Variants in RPE65 observed in about 807,000 individuals in gnomAD.
The protein encoded by RPE65 is retinoid isomerohydrolase RPE65.
RPE65 carries 58 observed loss-of-function variants against 68.5 expected under a neutral mutation model. The ratio of observed to expected loss-of-function variants is 0.85; its 90% CI spans 0.69 to 1.05. The LOEUF is 1.05. Ranked by LOEUF, RPE65 falls within the 50% of genes least tolerant of loss-of-function variation. RPE65 has a pLI of 0.00. For synonymous variants in RPE65, 220 were observed against 222.2 expected, an observed-to-expected ratio of 0.99 and a Z score of 0.09; for missense variants, 643 against 629.9, an observed-to-expected ratio of 1.02 and a Z score of -0.22.
At chr1:68,443,474 T>C (rs1645917737) in intron 5 of RPE65, among the ~76,000 whole-genome samples, 1 of 152,176 alleles carries the variant, frequency 6.6e-6, no homozygotes, top group African/African-American at 2.4e-5. Context: ...ATTCTCCAGT[T>C]TTCATGAACA....
At chr1:68,443,754 A>G (rs903996478) in intron 5 of RPE65, among the ~76,000 whole-genome samples, 1 of 152,212 alleles carries the variant, frequency 6.6e-6, no homozygotes, top group African/African-American at 2.4e-5. Flanking sequence ...CCTAGACATT[A>G]AGTCACCTGA....
chr1:68,438,144 A>C (rs1645873768), intron 10 of RPE65, 43 bp downstream of exon 10: 2 of 1,611,662 alleles, frequency 1.2e-6, no homozygotes, highest in Non-Finnish European at 1.7e-6. Flanking sequence ...GAGAGAGATG[A>C]AACATTCTGG....
At chr1:68,445,860 A>G (rs974419029) in intron 3 of RPE65, among the ~76,000 whole-genome samples, 5 of 151,834 alleles carry the variant, frequency 3.3e-5, no homozygotes, top group Admixed American at 6.6e-5. Context: ...TGTCGAAGGT[A>G]TAGGAAGCTT....
intron 10 of RPE65, among the ~76,000 whole-genome samples, chr1:68,434,433 T>C (rs748733185): frequency 6.6e-6 from 1 of 151,914 alleles, no homozygotes; most frequent in Non-Finnish European, 1.5e-5. Flanking sequence ...GGTGGTGGAC[T>C]AAGAATTAAA....
intron 1 of RPE65, 129 bp downstream of exon 1, chr1:68,449,766 C>T: frequency 9.0e-7 from 1 of 1,107,836 alleles, no homozygotes; most frequent in Admixed American, 2.0e-5. Context: ...AAAAAATTTC[C>T]CCACCAAAAT....
chr1:68,433,057 G>A (rs894039160), intron 10 of RPE65, among the ~76,000 whole-genome samples: 1 of 152,164 alleles, frequency 6.6e-6, no homozygotes, highest in Non-Finnish European at 1.5e-5. Context: ...TTTTTGGTGG[G>A]GGAAGATGAG....
At chr1:68,434,737 GT>G (rs1468048714) in intron 10 of RPE65, among the ~76,000 whole-genome samples, 1 of 151,748 alleles carries the variant, frequency 6.6e-6, no homozygotes, top group Non-Finnish European at 1.5e-5. Context: ...TTGTTTGTTT[GT>G]TTGTTTCTTG....
chr1:68,442,849 A>C (rs1399687507), intron 5 of RPE65, among the ~76,000 whole-genome samples: 1 of 152,264 alleles, frequency 6.6e-6, no homozygotes, highest in Admixed American at 6.5e-5. Flanking sequence ...TAAACAAGAA[A>C]GAGCTATGGG....
chr1:68,448,750 A>C (rs867505744), intron 1 of RPE65, 44 bp from the exon 2 acceptor site: 2 of 1,541,394 alleles, frequency 1.3e-6, no homozygotes, highest in Middle Eastern at 1.7e-4. Context: ...GTTGATGCTC[A>C]AAGTCCGCAG....
chr1:68,439,758 T>G (rs1645887281), intron 6 of RPE65, 116 bp from the exon 7 acceptor site: 1 of 788,510 alleles, frequency 1.3e-6, no homozygotes, highest in South Asian at 1.6e-5. Context: ...TTTAGAGGGG[T>G]TATTTTCATT....
rs192622985 is a variant in RPE65, at chr1:68,449,034, C to G, written c.12-328G>C. On this transcript the variant is annotated intron_variant, in intron 1 of 13. Coordinates refer to ENST00000262340, the MANE Select transcript of RPE65 (RefSeq NM_000329.3). ...TGTCCTCTGCAGTTTTTCCTTACTT[C>G]GGAAGACAAATCAATCAATCCTACT... 5.4e-3 allele frequency among the ~76,000 whole-genome samples: 817 copies of G among 152,222 alleles called. 8 individuals carry two copies. The highest frequency in any genetic ancestry group is 6.8e-3 in the Middle Eastern group (2 of 294).
chr1:68,449,762 T>C (rs1038129390), intron 1 of RPE65, 133 bp downstream of exon 1: 4 of 1,069,548 alleles, frequency 3.7e-6, no homozygotes, highest in Middle Eastern at 5.3e-4. Context: ...CAGGAAAAAA[T>C]TTCCCCACCA....
chr1:68,429,472 A>G lies in RPE65; in HGVS notation c.*304T>C. The G allele has an allele frequency of 2.7e-6, 1 of 366,954 alleles. No individual in the cohort carries two copies. Among genetic ancestry groups the G allele is most frequent in the Non-Finnish European group, 5.1e-6 (1 of 195,426 alleles). The allele number at this position is 366,954 out of a possible 1,614,324, so 22.7% of individuals were successfully genotyped here. A position where few individuals can be genotyped will look rare whatever the true frequency, so the allele number is the denominator to read the frequency against. ...TAGGTACCTAAAATATGCTCTTATA[A>G]TAGGAATTAAAAGCCATTTAGTAAG... On this transcript the variant is annotated 3_prime_UTR_variant, in exon 14 of 14. Coordinates refer to ENST00000262340, the MANE Select transcript of RPE65 (RefSeq NM_000329.3).
chr1:68,448,307 T>A (rs976088577), intron 2 of RPE65, among the ~76,000 whole-genome samples: 11 of 152,182 alleles, frequency 7.2e-5, no homozygotes, highest in Non-Finnish European at 1.0e-4. Context: ...CTTCATTTAT[T>A]CAGACACCAA....
Position 68,444,567 on chromosome 1 carries a change from T to C in RPE65, c.459A>G (p.Thr153=), listed in dbSNP as rs768968396. ...YYACTETNFI[T]KINPETLETI... is the part of the protein sequence containing the mutation. ...TCTCCAAGGTCTCTGGATTAATCTT[T>C]GTAATAAAGTTGGTCTCTGTGCAAG... is the stretch of plus-strand genomic sequence containing the variant. Residue 153 remains threonine, a synonymous_variant, in exon 5 of 14, where the codon ACA becomes ACG. Coordinates refer to ENST00000262340, the MANE Select transcript of RPE65 (RefSeq NM_000329.3). 1 of 1,614,170 alleles carries C rather than the reference T, an allele frequency of 6.2e-7. No homozygotes were observed. Among genetic ancestry groups the C allele is most frequent in the Non-Finnish European group, 8.5e-7 (1 of 1,180,008 alleles).
Position 68,431,528 on chromosome 1 carries a change from A to C in RPE65, c.1186T>G (p.Cys396Gly). 6.2e-7 allele frequency: 1 copy of C among 1,613,958 alleles called. No individual in the cohort carries two copies. Residue 396 changes from cysteine (C) to glycine (G), a missense_variant, in exon 11 of 14, where the codon TGC (cysteine) becomes GGC (glycine). Coordinates refer to ENST00000262340, the MANE Select transcript of RPE65 (RefSeq NM_000329.3). ...LPNTTATAIL[C>G]SDETIWLEPE... ...TCCAGCCAGATAGTCTCGTCACTGC[A>C]CAGAATTGCAGTGGCAGTTGTATTG...
chr1:68,447,528 C>T (rs868293755), intron 2 of RPE65, among the ~76,000 whole-genome samples: 60 of 152,298 alleles, frequency 3.9e-4, no homozygotes, highest in African/African-American at 1.4e-3. Flanking sequence ...CAAGATAGTC[C>T]TTAAGGCCTC....
chr1:68,434,509 T>C (rs1390271331), intron 10 of RPE65, among the ~76,000 whole-genome samples: 3 of 152,030 alleles, frequency 2.0e-5, no homozygotes, highest in African/African-American at 7.2e-5. Flanking sequence ...GAGGAGAAGA[T>C]TCTGCAAGAT....
chr1:68,440,701 T>C (rs1447752030), intron 6 of RPE65, 152 bp downstream of exon 6: 3 of 937,702 alleles, frequency 3.2e-6, no homozygotes. Context: ...AGGCCCCTTA[T>C]AGGGTAGGGA....
Sources: gnomAD v4.1 joint callset for allele counts (sites outside exome capture counted in the v4.1 genomes callset) on GRCh38, gnomAD v4.1.1 for gene constraint, MANE v1.5 for transcripts, NCBI Gene and HGNC (gene_info 2026-07-23, HGNC 2026-07-21) for gene names.